Variants in TTC28 observed in about 807,000 individuals in gnomAD.
TTC28 encodes the protein tetratricopeptide repeat domain 28.
A neutral mutation model predicts 198.0 loss-of-function variants in TTC28; 61 were observed. The observed-to-expected ratio is 0.31, with a 90% CI of 0.25 to 0.38. The LOEUF is 0.38. Ranked by LOEUF, TTC28 falls within the 10% of genes least tolerant of loss-of-function variation. TTC28 has a pLI of 1.00. For missense variants in TTC28, 2,678 were observed against 3,164.0 expected, an observed-to-expected ratio of 0.85 and a Z score of 3.69; for synonymous variants, 1,171 against 1,297.8, an observed-to-expected ratio of 0.90 and a Z score of 2.10.
rs1436671924 is a variant in TTC28, at chr22:28,296,319, G to A, written c.812C>T (p.Thr271Ile). The part of the protein sequence containing the change: ...LDVAKTLGDQ[T>I]GECRAHGNLG... ...ATTCCCATGAGCTCGGCATTCTCCT[G>A]TCTGGTCACCTGGATTGAATTGAGA... Residue 271 changes from threonine to isoleucine, a missense_variant, in exon 5 of 23, where the codon ACA becomes ATA. By Grantham distance (89) the Thr-to-Ile change is moderately conservative. This residue lies in a region of TTC28 where 775 missense variants were observed against 845.9 expected (regional missense o/e 0.92). Coordinates refer to ENST00000397906, the MANE Select transcript of TTC28 (RefSeq NM_001145418.2). 6.5e-7 allele frequency: 1 copy of A among 1,530,110 alleles called. No individual in the cohort carries two copies. The highest frequency in any genetic ancestry group is 2.2e-5 in the Admixed American group (1 of 46,232). 94.8% of individuals were successfully genotyped at this position (1,530,110 alleles called of 1,614,324 possible).
intron 5 of TTC28, among the ~76,000 whole-genome samples, chr22:28,180,376 A>G (rs904989451): frequency 6.6e-6 from 1 of 152,208 alleles, no homozygotes; most frequent in Non-Finnish European, 1.5e-5. Flanking sequence ...ATATCACCCA[A>G]TATCATCTTT....
rs138849487 is a variant in TTC28 at position 28,133,159 on chromosome 22, G to T, written c.1442-24756C>A. Among the ~76,000 whole-genome samples the T allele has an allele frequency of 7.9e-5, 12 of 152,332 alleles. No individual in the cohort carries two copies. The East Asian group carries it at 2.1e-3, about 27-fold the overall frequency. On this transcript the variant is annotated intron_variant, in intron 6 of 22. Coordinates refer to ENST00000397906, the MANE Select transcript of TTC28 (RefSeq NM_001145418.2). The stretch of plus-strand genomic sequence containing the variant: ...AATCGCTTGAAACCAGAAGTTGGAG[G>T]TTGCCGTGAGGTGAGATCGTGCCAT...
chr22:28,512,222 T>C (rs189116842), intron 2 of TTC28, among the ~76,000 whole-genome samples: 131 of 152,020 alleles, frequency 8.6e-4, no homozygotes, highest in African/African-American at 2.9e-3. Context: ...ATTAGAGATA[T>C]GCAAATCAAA....
chr22:28,104,821 T>C (rs901119711), intron 8 of TTC28, among the ~76,000 whole-genome samples: 1 of 152,196 alleles, frequency 6.6e-6, no homozygotes, highest in Non-Finnish European at 1.5e-5. Context: ...AGTTTTAATA[T>C]AGTTAGTTTA....
At chr22:28,488,716 T>TA (rs1408550674) in intron 2 of TTC28, among the ~76,000 whole-genome samples, 2 of 152,042 alleles carry the variant, frequency 1.3e-5, no homozygotes, top group African/African-American at 4.8e-5. Flanking sequence ...TCTAAGGGTG[T>TA]AAAAAAGAAG....
chr22:28,096,951 C>T (rs1210681917), intron 10 of TTC28, among the ~76,000 whole-genome samples: 4 of 152,032 alleles, frequency 2.6e-5, no homozygotes, highest in Non-Finnish European at 4.4e-5. Context: ...ATTACAGGCA[C>T]GGGCCACCAT....
chr22:28,107,414 T>C lies in TTC28; in HGVS notation c.2431A>G (p.Thr811Ala). 1 of 1,551,816 alleles carries C rather than the reference T, an allele frequency of 6.4e-7. No homozygotes were observed. The highest frequency in any genetic ancestry group is 8.7e-7 in the Non-Finnish European group (1 of 1,147,030). Residue 811 changes from threonine (T) to alanine (A), a missense_variant, in exon 7 of 23, where the codon ACA (threonine) becomes GCA (alanine). By Grantham distance (58) the Thr-to-Ala change is moderately conservative (BLOSUM62 0). Around this residue, in one of 8 missense-constraint regions of TTC28, gnomAD observed 775 missense variants for 845.9 expected, o/e 0.92. Coordinates refer to ENST00000397906, the MANE Select transcript of TTC28 (RefSeq NM_001145418.2). ...AAVYMALGKY[T>A]MAFKCYEEQL... ...TCTTCATAACACTTGAATGCCATTG[T>C]GTATTTCCCAAGGGCCATGTAGACA...
chr22:28,160,620 G>A, intron 6 of TTC28, among the ~76,000 whole-genome samples: 1 of 152,190 alleles, frequency 6.6e-6, no homozygotes, highest in South Asian at 2.1e-4. Flanking sequence ...ATACACACAT[G>A]TATATATATA....
intron 12 of TTC28, among the ~76,000 whole-genome samples, chr22:28,070,880 C>T (rs1441978429): frequency 6.6e-6 from 1 of 152,080 alleles, no homozygotes; most frequent in Non-Finnish European, 1.5e-5. Context: ...TCAAGCTATC[C>T]CACAGCTATA....
rs949872535 is a variant in TTC28, at chr22:28,583,279, G to A, written c.381+46273C>T. Among the ~76,000 whole-genome samples the A allele has an allele frequency of 8.5e-5, 13 of 152,052 alleles. No homozygotes were observed. In the East Asian group the frequency reaches 1.3e-3, roughly 16 times the overall value. On this transcript the variant is annotated intron_variant, in intron 2 of 22. Transcript: ENST00000397906. ...GATTCATTTTCATTTTCATAAGCAG[G>A]ATAAATAGAAACTGAAATTTTTTCT... is the stretch of plus-strand genomic sequence containing the variant.
chr22:28,279,164 C>T (rs112189005), intron 5 of TTC28, among the ~76,000 whole-genome samples: 1,685 of 152,234 alleles, frequency 0.011, 24 homozygotes, highest in South Asian at 0.017. Context: ...TCTACAACTC[C>T]TAACATTTTG....
At chr22:28,221,327 G>A (rs1377028035) in intron 5 of TTC28, among the ~76,000 whole-genome samples, 1 of 152,210 alleles carries the variant, frequency 6.6e-6, no homozygotes, top group Non-Finnish European at 1.5e-5. Context: ...GCTTATGAGT[G>A]TCTGGACATA....
intron 5 of TTC28, among the ~76,000 whole-genome samples, chr22:28,214,481 A>T (rs1193283478): frequency 6.6e-6 from 1 of 152,272 alleles, no homozygotes; most frequent in Non-Finnish European, 1.5e-5. Context: ...GGATATGAAC[A>T]GACACATCTC....
intron 5 of TTC28, among the ~76,000 whole-genome samples, chr22:28,288,800 G>A (rs1320479629): frequency 1.4e-5 from 2 of 142,044 alleles, no homozygotes; most frequent in African/African-American, 5.1e-5. Context: ...GCGACAGAGC[G>A]AGACTCCGTT....
At chr22:28,176,613 G>A (rs77066484) in intron 5 of TTC28, among the ~76,000 whole-genome samples, 2,120 of 152,168 alleles carry the variant, frequency 0.014, 67 homozygotes, top group African/African-American at 0.049. Flanking sequence ...ATGAGGTAAC[G>A]GATACACTAC....
rs542954842 is a variant in TTC28 at position 28,492,115 on chromosome 22, T to TGG, written c.381+137435_381+137436dup. Among the ~76,000 whole-genome samples the TGG allele has an allele frequency of 2.7e-3, 222 of 82,910 alleles. 2 individuals carry two copies. Among genetic ancestry groups the TGG allele is most frequent in the African/African-American group, 9.4e-3 (210 of 22,368 alleles). The allele number at this position is 82,910 out of a possible 152,430, so 54.4% of individuals were successfully genotyped here. On this transcript the variant is annotated intron_variant, in intron 2 of 22. Coordinates refer to ENST00000397906, the MANE Select transcript of TTC28 (RefSeq NM_001145418.2). ...TCACACACCAGAGACTGTTGTGGGG[T>TGG]GGGGGGGAGCGGGGAGGGATAGCAT...
In TTC28 at chr22:27,988,904, C is replaced by G. The variant is rs1290275673; in HGVS notation, c.5707+974G>C. On this transcript the variant is annotated intron_variant, in intron 21 of 22. Coordinates refer to ENST00000397906, the MANE Select transcript of TTC28 (RefSeq NM_001145418.2). ...GGCTTCCTAAGGCGTCCCTTAGACA[C>G]TGTATTAGGTTTGTTCGTGTTCTCC... 3.3e-5 allele frequency among the ~76,000 whole-genome samples: 5 copies of G among 152,328 alleles called. No individual in the cohort carries two copies. The East Asian group carries it at 9.7e-4, about 29-fold the overall frequency.
intron 2 of TTC28, among the ~76,000 whole-genome samples, chr22:28,601,107 T>C (rs2050632860): frequency 6.6e-6 from 1 of 152,182 alleles, no homozygotes; most frequent in Admixed American, 6.5e-5. Flanking sequence ...AGCTTACCCA[T>C]TGAATTATAA....
At chr22:28,619,255 G>A (rs974383808) in intron 2 of TTC28, among the ~76,000 whole-genome samples, 3 of 152,090 alleles carry the variant, frequency 2.0e-5, no homozygotes, top group Admixed American at 1.3e-4. Flanking sequence ...TCTGTGCTAC[G>A]TGCCTAACAT....
Sources: allele counts gnomAD v4.1 joint callset (sites outside exome capture counted in the v4.1 genomes callset), GRCh38; gene constraint gnomAD v4.1.1; regional missense constraint gnomAD v4.1.1; transcripts MANE v1.5; gene names NCBI Gene and HGNC (gene_info 2026-07-23, HGNC 2026-07-21).